Variants in BRCA1 observed in about 807,000 individuals in gnomAD.
The protein encoded by BRCA1 is BRCA1 DNA repair associated.
In BRCA1, 140 loss-of-function variants were observed where a neutral mutation model predicts 173.7. The ratio of observed to expected loss-of-function variants is 0.81; its 90% CI spans 0.70 to 0.93. The LOEUF is 0.93. BRCA1 is among the 40% of genes least tolerant of loss of function. The pLI is 0.00. For missense variants in BRCA1, 1,983 were observed against 2,172.5 expected, an observed-to-expected ratio of 0.91 and a Z score of 1.73; for synonymous variants, 662 against 756.0, an observed-to-expected ratio of 0.88 and a Z score of 2.04.
chr17:43,097,324 A>G, intron 7 of BRCA1, 35 bp from the exon 8 acceptor site: 1 of 1,540,400 alleles, frequency 6.5e-7, no homozygotes, highest in East Asian at 2.3e-5. Context: ...AAATCAATAA[A>G]AGTTTTCTTA....
In BRCA1 at chr17:43,094,721, AT is replaced by A. The variant is rs80357965; in HGVS notation, c.809del (p.His270LeufsTer28). ...GAGTATTTGTGCCACATGGCTCCAC[AT>A]GCAAGTTTGAAACAGAACTACCCTG... ...KYQGSSVSNL[H>X]VEPCGTNTHA... On this transcript the variant is annotated frameshift_variant, in exon 10 of 23. Coordinates refer to ENST00000357654, the MANE Select transcript of BRCA1 (RefSeq NM_007294.4). LOFTEE classifies it high-confidence loss of function. The A allele has an allele frequency of 6.2e-7, 1 of 1,611,758 alleles. No individual in the cohort carries two copies.
intron 1 of BRCA1, chr17:43,160,994 G>T (rs1285062940): frequency 6.6e-6 from 1 of 152,098 alleles, no homozygotes; most frequent in Non-Finnish European, 1.5e-5. Context: ...ATGGCCCCAG[G>T]ATCAAATCCA....
At chr17:43,143,108 A>T (rs1421072471) in intron 1 of BRCA1, among the ~76,000 whole-genome samples, 1 of 149,544 alleles carries the variant, frequency 6.7e-6, no homozygotes, top group Non-Finnish European at 1.5e-5. Context: ...TTATTTATTT[A>T]TTTTATTTTT....
chr17:43,047,257 A>G (rs2050953599), intron 22 of BRCA1, among the ~76,000 whole-genome samples: 1 of 151,782 alleles, frequency 6.6e-6, no homozygotes, highest in Admixed American at 6.6e-5. Context: ...CTGCCACCAC[A>G]CCCAGCTACT....
intron 16 of BRCA1, among the ~76,000 whole-genome samples, chr17:43,066,566 A>G (rs1466045983): frequency 6.6e-6 from 1 of 151,982 alleles, no homozygotes; most frequent in East Asian, 1.9e-4. Flanking sequence ...GCACACCACC[A>G]CGCCCAGCCA....
chr17:43,090,594 CAA>C (rs1401458257), intron 11 of BRCA1, among the ~76,000 whole-genome samples: 6 of 152,180 alleles, frequency 3.9e-5, no homozygotes, highest in Admixed American at 2.6e-4. Context: ...AGGCTGGTCT[CAA>C]ACTTCTGACC....
chr17:43,076,210 G>A (rs551636483), intron 13 of BRCA1, among the ~76,000 whole-genome samples: 2 of 152,048 alleles, frequency 1.3e-5, no homozygotes, highest in Non-Finnish European at 2.9e-5. Flanking sequence ...TCTACCATCA[G>A]TTTCCAAGCT....
At chr17:43,115,848 T>G (rs2055272081) in intron 2 of BRCA1, 69 bp from the exon 3 acceptor site, 1 of 1,480,890 alleles carries the variant, frequency 6.8e-7, no homozygotes, top group South Asian at 1.2e-5. Flanking sequence ...ATAAAGCTAT[T>G]CTTAGTGAAT....
At position 43,076,874 on chromosome 17, in the gene BRCA1, AG is replaced by A. The variant is rs1337395354; in HGVS notation, c.4358-261del. Among the ~76,000 whole-genome samples, 6 of 152,234 alleles carry A rather than the reference AG, an allele frequency of 3.9e-5. No homozygotes were observed. In the South Asian group the frequency reaches 1.2e-3, roughly 32 times the overall value. On this transcript the variant is annotated intron_variant, in intron 12 of 22. Transcript: ENST00000357654. ...CAGAGTAAATAAAGACACCCAGCTG[AG>A]ACAAGGCTGAAAAAAAAAATCTATA...
intron 20 of BRCA1, 67 bp downstream of exon 20, chr17:43,050,996 C>T (rs2051188419): frequency 1.3e-6 from 2 of 1,496,372 alleles, no homozygotes; most frequent in African/African-American, 1.4e-5. Flanking sequence ...TGGGATCTTG[C>T]TTATAATACT....
chr17:43,067,487 C>A (rs2153688649), intron 16 of BRCA1, 121 bp downstream of exon 16: 2 of 751,932 alleles, frequency 2.7e-6, no homozygotes, highest in Non-Finnish European at 2.3e-6. Flanking sequence ...ATCTCCTAAT[C>A]TCGTGATCTG....
intron 8 of BRCA1, among the ~76,000 whole-genome samples, chr17:43,096,985 G>C (rs1249896140): frequency 3.9e-5 from 6 of 152,178 alleles, no homozygotes; most frequent in Admixed American, 2.0e-4. Flanking sequence ...CAGCCTACTT[G>C]AGGGAGGAAG....
At chr17:43,061,024 G>A (rs933000203) in intron 18 of BRCA1, among the ~76,000 whole-genome samples, 1 of 152,102 alleles carries the variant, frequency 6.6e-6, no homozygotes, top group Admixed American at 6.5e-5. Context: ...TACTCAGGAG[G>A]CCAAGGCAGG....
chr17:43,098,030 CTT>C (rs35771473), intron 7 of BRCA1, among the ~76,000 whole-genome samples: 6 of 135,216 alleles, frequency 4.4e-5, no homozygotes, highest in Admixed American at 1.5e-4. Context: ...CTCAGCAGCT[CTT>C]TTTTTTTTTT....
Position 43,092,193 on chromosome 17 carries a change from T to C in BRCA1, c.3338A>G (p.Tyr1113Cys), listed in dbSNP as rs1225577943. ...ATTAACAGTCTGAACTACTTCTTCA[T>C]ATTCTTGCTTTTTTATTTCAGGATG... is the stretch of plus-strand genomic sequence containing the variant. ...CKHPEIKKQEYEEVVQTVNTD... is the reference protein window; with the variant it reads ...CKHPEIKKQECEEVVQTVNTD... Residue 1113 changes from tyrosine to cysteine, a missense_variant, in exon 10 of 23, where the codon TAT becomes TGT. Physicochemically the swap from Tyr to Cys is radical, Grantham distance 194. Transcript: ENST00000357654. 4 of 1,613,258 alleles carry C rather than the reference T, an allele frequency of 2.5e-6. No homozygotes were observed. The highest frequency in any genetic ancestry group is 2.2e-5 in the South Asian group (2 of 91,068).
chr17:43,063,796 T>G, intron 17 of BRCA1, 78 bp downstream of exon 17: 1 of 1,186,816 alleles, frequency 8.4e-7, no homozygotes, highest in Admixed American at 1.8e-5. Context: ...AGCAAAAACC[T>G]TAGGTGTTAA....
chr17:43,094,273 C>A lies in BRCA1; in HGVS notation c.1258G>T (p.Asp420Tyr), dbSNP rs80357488. 1.2e-5 allele frequency: 20 copies of A among 1,614,062 alleles called. No homozygotes were observed. Among genetic ancestry groups the A allele is most frequent in the Admixed American group, 5.0e-5 (3 of 59,996 alleles). ...ADVLDVLNEV[D>Y]EYSGSSEKID... Reference sequence around the variant, plus strand: ...TTCTCTGAAGAACCAGAATATTCATCTACCTCATTTAGAACGTCCAATACA... The same window carrying A: ...TTCTCTGAAGAACCAGAATATTCATATACCTCATTTAGAACGTCCAATACA... Residue 420 changes from aspartate (D) to tyrosine (Y), a missense_variant, in exon 10 of 23, where the codon GAT becomes TAT. By Grantham distance (160) the Asp-to-Tyr change is radical (BLOSUM62 -3). Coordinates refer to ENST00000357654, the MANE Select transcript of BRCA1 (RefSeq NM_007294.4).
intron 1 of BRCA1, among the ~76,000 whole-genome samples, chr17:43,131,527 TC>T (rs971903095): frequency 2.6e-5 from 4 of 152,146 alleles, no homozygotes; most frequent in Admixed American, 1.3e-4. Context: ...CATCCCCATT[TC>T]GCTTCATTTT....
In BRCA1 at chr17:43,071,042, C is replaced by G. The variant is rs11555992; in HGVS notation, c.4872G>C (p.Gly1624=). Residue 1624 remains glycine (G), a synonymous_variant, in exon 15 of 23, where the codon GGG becomes GGC. Coordinates refer to ENST00000357654, the MANE Select transcript of BRCA1 (RefSeq NM_007294.4). The part of the protein sequence containing the change: ...PAAAHTTDTA[G]YNAMEESVSR... ...TCACACTTTCTTCCATTGCATTATACCCAGCAGTATCAGTAGTATGAGCAG... is the reference window on the plus strand; with the variant it reads ...TCACACTTTCTTCCATTGCATTATAGCCAGCAGTATCAGTAGTATGAGCAG... 6.2e-7 allele frequency: 1 copy of G among 1,614,142 alleles called. No individual in the cohort carries two copies. The highest frequency in any genetic ancestry group is 8.5e-7 in the Non-Finnish European group (1 of 1,180,006).
Sources: gnomAD v4.1 joint callset for allele counts (sites outside exome capture counted in the v4.1 genomes callset) on GRCh38, gnomAD v4.1.1 for gene constraint, MANE v1.5 for transcripts, NCBI Gene and HGNC (gene_info 2026-07-23, HGNC 2026-07-21) for gene names.